RBFOX1: variants seen among roughly 807,000 people sequenced by gnomAD.
RBFOX1 encodes the protein RNA binding protein fox-1 homolog 1.
Under a neutral mutation model 57.7 loss-of-function variants are expected in RBFOX1, and 8 were observed. The ratio of observed to expected loss-of-function variants is 0.14; its 90% CI spans 0.08 to 0.25. The LOEUF (loss-of-function observed/expected upper bound fraction) is 0.25. Among genes scored for constraint, RBFOX1 ranks in the 10% least tolerant of loss-of-function variants. RBFOX1 has a pLI of 1.00. For synonymous variants in RBFOX1, 326 were observed against 222.4 expected (o/e 1.47, Z -4.15); for missense variants, 611 against 548.5 (o/e 1.11, Z -1.14).
rs1374546866 is a variant in RBFOX1 at position 5,729,150 on chromosome 16, A to G, written c.318+130189A>G. 2.0e-5 allele frequency among the ~76,000 whole-genome samples: 3 copies of G among 152,214 alleles called. No homozygotes were observed. The East Asian group carries it at 5.8e-4, about 29-fold the overall frequency. On this transcript the variant is annotated intron_variant, in intron 3 of 19. Transcript: ENST00000641259. ...TAGACTTTGGAAACTGGGAGACCTA[A>G]TTCTGTCACTTACAAACTGTGTGTC...
chr16:5,640,258 C>G (rs898693408), intron 3 of RBFOX1, among the ~76,000 whole-genome samples: 1 of 152,078 alleles, frequency 6.6e-6, no homozygotes, highest in Non-Finnish European at 1.5e-5. Flanking sequence ...TTTGCAGGAG[C>G]GTTCACTTTA....
At chr16:5,398,836 T>G (rs1010109676) in intron 1 of RBFOX1, among the ~76,000 whole-genome samples, 1 of 152,108 alleles carries the variant, frequency 6.6e-6, no homozygotes, top group Non-Finnish European at 1.5e-5. Context: ...TGAATTTGAG[T>G]CTAGTTTAAG....
intron 2 of RBFOX1, among the ~76,000 whole-genome samples, chr16:5,529,443 C>G (rs1179778072): frequency 6.7e-6 from 1 of 148,702 alleles, no homozygotes; most frequent in Admixed American, 6.8e-5. Flanking sequence ...GTTGCTCAGG[C>G]TGGAGTGCAG....
At chr16:5,833,926 A>G (rs1437845861) in intron 3 of RBFOX1, among the ~76,000 whole-genome samples, 1 of 152,190 alleles carries the variant, frequency 6.6e-6, no homozygotes, top group African/African-American at 2.4e-5. Context: ...GTGGAAGAGG[A>G]TGACACTTTT....
Position 7,184,171 on chromosome 16 carries a change from G to C in RBFOX1, c.27+132073G>C, listed in dbSNP as rs575144863. ...GAAGATCATAAAAAGAGTAGCACAGGGCTGGAATTAGCTCCGTGAACAAGT... is the reference window on the plus strand; with the variant it reads ...GAAGATCATAAAAAGAGTAGCACAGCGCTGGAATTAGCTCCGTGAACAAGT... On this transcript the variant is annotated intron_variant, in intron 4 of 15. Coordinates refer to ENST00000550418, the MANE Select transcript of RBFOX1 (RefSeq NM_018723.4). Among the ~76,000 whole-genome samples the C allele has an allele frequency of 3.9e-5, 6 of 152,270 alleles. No individual in the cohort carries two copies. The East Asian group carries it at 1.2e-3, about 29-fold the overall frequency.
chr16:6,243,027 G>C (rs2097548343), intron 1 of RBFOX1, among the ~76,000 whole-genome samples: 1 of 152,144 alleles, frequency 6.6e-6, no homozygotes, highest in Non-Finnish European at 1.5e-5. Flanking sequence ...TTTCTGAATT[G>C]TAAGAGATAC....
intron 4 of RBFOX1, chr16:7,332,990 T>G: frequency 1.2e-6 from 2 of 1,613,496 alleles, no homozygotes; most frequent in Non-Finnish European, 1.7e-6. Context: ...GAATAATAAC[T>G]CTACGTAAAG....
chr16:6,209,543 A>G (rs2097278768), intron 1 of RBFOX1, among the ~76,000 whole-genome samples: 1 of 152,266 alleles, frequency 6.6e-6, no homozygotes, highest in Non-Finnish European at 1.5e-5. Flanking sequence ...AAAGTCAAAC[A>G]TAATTAAGCA....
At chr16:6,762,874 G>C (rs1006418443) in intron 3 of RBFOX1, among the ~76,000 whole-genome samples, 3 of 152,116 alleles carry the variant, frequency 2.0e-5, no homozygotes, top group Non-Finnish European at 2.9e-5. Context: ...CCTTGCCTTG[G>C]GTGGGAGTAA....
chr16:6,571,673 C>T (rs1322343872), intron 2 of RBFOX1, among the ~76,000 whole-genome samples: 1 of 152,070 alleles, frequency 6.6e-6, no homozygotes, highest in African/African-American at 2.4e-5. Flanking sequence ...GAAGGCATGC[C>T]TCCTGAGATC....
At chr16:7,381,002 G>T (rs11077174) in intron 4 of RBFOX1, among the ~76,000 whole-genome samples, 63,945 of 152,108 alleles carry the variant, frequency 0.42, 13,880 homozygotes, top group East Asian at 0.55. Context: ...CTAGTGTTCT[G>T]TCTTGCATGA....
intron 3 of RBFOX1, among the ~76,000 whole-genome samples, chr16:6,911,817 A>G (rs1341759290): frequency 1.3e-5 from 2 of 152,180 alleles, no homozygotes; most frequent in African/African-American, 2.4e-5. Flanking sequence ...TTTTCAGTAA[A>G]TGAATTTACT....
intron 3 of RBFOX1, among the ~76,000 whole-genome samples, chr16:6,846,698 C>T (rs2093773390): frequency 1.3e-5 from 2 of 152,140 alleles, no homozygotes; most frequent in Admixed American, 6.5e-5. Context: ...TAACGTTCGC[C>T]AGTATCCGGG....
intron 3 of RBFOX1, among the ~76,000 whole-genome samples, chr16:6,793,171 G>C (rs1380832447): frequency 6.6e-6 from 1 of 152,182 alleles, no homozygotes; most frequent in Non-Finnish European, 1.5e-5. Flanking sequence ...AATTAAAACA[G>C]ATAATATGAT....
intron 1 of RBFOX1, among the ~76,000 whole-genome samples, chr16:6,284,791 T>A (rs987087118): frequency 2.0e-5 from 3 of 152,176 alleles, no homozygotes; most frequent in African/African-American, 7.2e-5. Context: ...AGGTGGTTTA[T>A]GCTAGGTTGT....
rs144413435 is a variant in RBFOX1, at chr16:7,080,253, C to T, written c.27+28155C>T. Among the ~76,000 whole-genome samples the T allele has an allele frequency of 7.9e-5, 12 of 152,138 alleles. No individual in the cohort carries two copies. The East Asian group carries it at 2.3e-3, about 29-fold the overall frequency. On this transcript the variant is annotated intron_variant, in intron 4 of 15. Coordinates refer to ENST00000550418, the MANE Select transcript of RBFOX1 (RefSeq NM_018723.4). ...GACCTCTGATTTCATGCAGCGTGGA[C>T]AGGCAATTTTAGGGATCTTTACTGC...
At chr16:6,154,385 G>T (rs1249279684) in intron 1 of RBFOX1, among the ~76,000 whole-genome samples, 1 of 152,220 alleles carries the variant, frequency 6.6e-6, no homozygotes, top group East Asian at 1.9e-4. Flanking sequence ...CTAGATCAGG[G>T]TATTGTATGA....
At chr16:5,809,438 A>G (rs1198645452) in intron 3 of RBFOX1, among the ~76,000 whole-genome samples, 1 of 151,980 alleles carries the variant, frequency 6.6e-6, no homozygotes, top group Non-Finnish European at 1.5e-5. Flanking sequence ...ACAAAGGGCT[A>G]ATATCCAGAA....
At chr16:5,546,597 C>G (rs1474322222) in intron 2 of RBFOX1, among the ~76,000 whole-genome samples, 1 of 152,198 alleles carries the variant, frequency 6.6e-6, no homozygotes, top group East Asian at 1.9e-4. Context: ...GTGGCATATA[C>G]AAAAATTAAC....
Sources: allele counts gnomAD v4.1 joint callset (sites outside exome capture counted in the v4.1 genomes callset), GRCh38; gene constraint gnomAD v4.1.1; transcripts MANE v1.5; gene names NCBI Gene and HGNC (gene_info 2026-07-23, HGNC 2026-07-21).